The following SOX6 variants were observed in gnomAD, a reference collection of about 807,000 sequenced individuals.
SOX6 encodes transcription factor SOX-6.
A neutral mutation model predicts 97.8 loss-of-function variants in SOX6; 11 were observed. The ratio of observed to expected loss-of-function variants is 0.11; its 90% CI spans 0.07 to 0.19. The LOEUF is 0.19. SOX6 is among the 10% of genes least tolerant of loss of function. The pLI is 1.00. For synonymous variants in SOX6, 360 were observed against 371.4 expected, an observed-to-expected ratio of 0.97 and a Z score of 0.35; for missense variants, 810 against 1,039.5, an observed-to-expected ratio of 0.78 and a Z score of 3.04.
intron 13 of SOX6, among the ~76,000 whole-genome samples, chr11:16,013,362 G>T (rs1045848955): frequency 4.6e-5 from 7 of 151,952 alleles, no homozygotes; most frequent in African/African-American, 1.7e-4. Context: ...TTCCACACAG[G>T]CTTTTAGGCC....
intron 3 of SOX6, among the ~76,000 whole-genome samples, chr11:16,672,437 C>T (rs1267126738): frequency 6.6e-6 from 1 of 152,170 alleles, no homozygotes; most frequent in Non-Finnish European, 1.5e-5. Context: ...ATTTACAAAA[C>T]AAACAGATTT....
chr11:16,168,115 G>A (rs1850933082), intron 6 of SOX6, among the ~76,000 whole-genome samples: 1 of 152,126 alleles, frequency 6.6e-6, no homozygotes, highest in Non-Finnish European at 1.5e-5. Flanking sequence ...ATATAAATTG[G>A]AAAGGGACAA....
At chr11:16,072,052 C>A (rs1239053784) in intron 9 of SOX6, among the ~76,000 whole-genome samples, 2 of 152,180 alleles carry the variant, frequency 1.3e-5, no homozygotes, top group Non-Finnish European at 2.9e-5. Context: ...CAAATGACCA[C>A]ACTAGTACCC....
intron 3 of SOX6, among the ~76,000 whole-genome samples, chr11:16,665,742 G>C (rs1452022396): frequency 6.6e-6 from 1 of 152,228 alleles, no homozygotes; most frequent in Non-Finnish European, 1.5e-5. Context: ...ACAAGACCCA[G>C]GGCTGTGCTA....
chr11:16,186,722 T>C, intron 5 of SOX6, 61 bp downstream of exon 5: 1 of 1,557,182 alleles, frequency 6.4e-7, no homozygotes, highest in Non-Finnish European at 8.8e-7. Context: ...TCAATTTGAT[T>C]ACTCTCTGAG....
chr11:16,446,807 G>A (rs1230204951), intron 1 of SOX6, among the ~76,000 whole-genome samples: 3 of 149,832 alleles, frequency 2.0e-5, no homozygotes, highest in East Asian at 2.0e-4. Flanking sequence ...AGACATACAA[G>A]GTTTAATTAT....
intron 1 of SOX6, among the ~76,000 whole-genome samples, chr11:16,451,423 A>G (rs1387943043): frequency 6.6e-6 from 1 of 152,142 alleles, no homozygotes; most frequent in Non-Finnish European, 1.5e-5. Context: ...TGAAGATTGG[A>G]TGTCTGCTAA....
intron 4 of SOX6, among the ~76,000 whole-genome samples, chr11:16,218,657 A>G (rs982734729): frequency 2.0e-5 from 3 of 152,160 alleles, no homozygotes; most frequent in African/African-American, 7.2e-5. Flanking sequence ...ATGAAAAAAC[A>G]TATTTTAAAG....
chr11:16,145,906 C>T (rs528607061), intron 6 of SOX6, among the ~76,000 whole-genome samples: 78 of 152,220 alleles, frequency 5.1e-4, no homozygotes, highest in Non-Finnish European at 9.6e-4. Context: ...GAATCAATAT[C>T]GTGAAAATGG....
At chr11:16,123,534 T>A (rs760681970) in intron 6 of SOX6, among the ~76,000 whole-genome samples, 55 of 152,034 alleles carry the variant, frequency 3.6e-4, no homozygotes, top group Non-Finnish European at 7.1e-4. Context: ...AAACAATAAC[T>A]ATAATCCCAA....
intron 3 of SOX6, among the ~76,000 whole-genome samples, chr11:16,295,002 C>G (rs528579592): frequency 1.3e-5 from 2 of 151,974 alleles, no homozygotes; most frequent in Non-Finnish European, 2.9e-5. Context: ...GATTTAAAAT[C>G]TATTCCCAAT....
At chr11:16,450,567 C>T (rs914763119) in intron 1 of SOX6, among the ~76,000 whole-genome samples, 2 of 152,210 alleles carry the variant, frequency 1.3e-5, no homozygotes, top group African/African-American at 4.8e-5. Flanking sequence ...ACAAGTCGGT[C>T]CATTCTCATG....
intron 4 of SOX6, among the ~76,000 whole-genome samples, chr11:16,572,874 A>ACCTTTTG (rs1471838756): frequency 6.6e-6 from 1 of 152,236 alleles, no homozygotes; most frequent in Non-Finnish European, 1.5e-5. Context: ...AAAAGGTAAT[A>ACCTTTTG]GAATTTGGCT....
intron 3 of SOX6, among the ~76,000 whole-genome samples, chr11:16,711,034 C>A (rs1848175454): frequency 6.6e-6 from 1 of 152,074 alleles, no homozygotes; most frequent in Non-Finnish European, 1.5e-5. Context: ...TCAGCAAATC[C>A]TGTTGTTTCT....
chr11:16,245,911 A>G (rs1305763845), intron 3 of SOX6, among the ~76,000 whole-genome samples: 1 of 151,340 alleles, frequency 6.6e-6, no homozygotes, highest in Non-Finnish European at 1.5e-5. Context: ...AAATTAGTAT[A>G]ATTAGTCCAT....
At chr11:16,112,830 G>A (rs964094410) in intron 6 of SOX6, among the ~76,000 whole-genome samples, 3 of 152,104 alleles carry the variant, frequency 2.0e-5, no homozygotes, top group Admixed American at 6.6e-5. Flanking sequence ...TGACAGGAAG[G>A]TTTTGTCCTG....
chr11:16,132,321 AG>A (rs1849776555), intron 6 of SOX6, among the ~76,000 whole-genome samples: 8 of 119,036 alleles, frequency 6.7e-5, no homozygotes, highest in East Asian at 2.3e-4. Context: ...GAAGGAAGGA[AG>A]GAAGGAAGGA....
intron 6 of SOX6, among the ~76,000 whole-genome samples, chr11:16,152,176 G>A (rs1850476952): frequency 6.6e-6 from 1 of 152,116 alleles, no homozygotes; most frequent in African/African-American, 2.4e-5. Flanking sequence ...TTCTTTCTTT[G>A]TAGACACAGT....
chr11:16,527,658 G>A (rs1020643694), intron 4 of SOX6, among the ~76,000 whole-genome samples: 11 of 152,114 alleles, frequency 7.2e-5, no homozygotes, highest in African/African-American at 1.2e-4. Flanking sequence ...TGCCATATCT[G>A]TACGAAAACT....
Sources: gnomAD v4.1 joint callset for allele counts (sites outside exome capture counted in the v4.1 genomes callset) on GRCh38, gnomAD v4.1.1 for gene constraint, MANE v1.5 for transcripts, NCBI Gene and HGNC (gene_info 2026-07-23, HGNC 2026-07-21) for gene names.